Variants in ANKS1B observed in about 807,000 individuals in gnomAD.
The protein encoded by ANKS1B is ankyrin repeat and sterile alpha motif domain containing 1B.
ANKS1B carries 36 observed loss-of-function variants against 148.3 expected under a neutral mutation model. That is an observed-to-expected ratio of 0.24 (90% CI 0.19 to 0.32). The LOEUF (loss-of-function observed/expected upper bound fraction) is 0.32, where lower values mean the gene tolerates loss of function less well. Among genes scored for constraint, ANKS1B ranks in the 10% least tolerant of loss-of-function variants. ANKS1B has a pLI of 1.00. For synonymous variants in ANKS1B, 542 were observed against 560.8 expected (o/e 0.97, Z 0.47); for missense variants, 1,157 against 1,542.6 (o/e 0.75, Z 4.19).
intron 8 of ANKS1B, among the ~76,000 whole-genome samples, chr12:99,686,765 A>G (rs1350376771): frequency 6.6e-6 from 1 of 152,076 alleles, no homozygotes; most frequent in Non-Finnish European, 1.5e-5. Flanking sequence ...ATTTCCTCCT[A>G]TCATTTTTGT....
At chr12:99,618,652 C>T (rs2098004535) in intron 9 of ANKS1B, among the ~76,000 whole-genome samples, 1 of 152,042 alleles carries the variant, frequency 6.6e-6, no homozygotes, top group Non-Finnish European at 1.5e-5. Context: ...GCAACCCCAA[C>T]TGAGAAAGAG....
At chr12:99,360,881 C>T (rs11834482) in intron 12 of ANKS1B, among the ~76,000 whole-genome samples, 1 of 151,940 alleles carries the variant, frequency 6.6e-6, no homozygotes, top group Non-Finnish European at 1.5e-5. Flanking sequence ...CACATTCTCA[C>T]TTATTTGTGG....
intron 10 of ANKS1B, among the ~76,000 whole-genome samples, chr12:99,499,568 T>A (rs2096636277): frequency 6.6e-6 from 1 of 152,178 alleles, no homozygotes; most frequent in Non-Finnish European, 1.5e-5. Flanking sequence ...TTGACTACAA[T>A]GGAAGTGATG....
chr12:99,527,658 G>T (rs1347576055), intron 9 of ANKS1B, among the ~76,000 whole-genome samples: 1 of 152,160 alleles, frequency 6.6e-6, no homozygotes. Flanking sequence ...CCTTTAACTG[G>T]AGTCAGAATC....
chr12:99,344,655 A>G (rs1480684661), intron 12 of ANKS1B, among the ~76,000 whole-genome samples: 1 of 152,102 alleles, frequency 6.6e-6, no homozygotes, highest in African/African-American at 2.4e-5. Context: ...CATGAACCAA[A>G]TATCCTTTGT....
intron 8 of ANKS1B, among the ~76,000 whole-genome samples, chr12:99,681,210 C>T (rs986095760): frequency 1.3e-5 from 2 of 152,140 alleles, no homozygotes; most frequent in Non-Finnish European, 2.9e-5. Context: ...GAAAGTGCCA[C>T]CTCCTGGCTA....
In ANKS1B at chr12:99,806,449, T is replaced by G. The variant is rs767462539; in HGVS notation, c.624A>C (p.Ala208=). The part of the protein sequence containing the change: ...LHLAARNGHK[A]VVQVLLEAGM... ...CTGCCTCCAGCAGCACCTGCACGAC[T>G]GCTTTGTGGCCATTGCGCGCAGCAA... Residue 208 remains alanine, a synonymous_variant, in exon 4 of 27, where the codon GCA becomes GCC. Transcript: ENST00000683438. The G allele has an allele frequency of 1.2e-6, 2 of 1,613,992 alleles. No homozygotes were observed. Among genetic ancestry groups the G allele is most frequent in the Non-Finnish European group, 1.7e-6 (2 of 1,179,868 alleles).
chr12:99,637,480 T>A (rs2098249877), intron 9 of ANKS1B, among the ~76,000 whole-genome samples: 1 of 152,102 alleles, frequency 6.6e-6, no homozygotes. Context: ...TGTGAGGGTG[T>A]TGCCAAAGGA....
intron 23 of ANKS1B, chr12:98,781,463 C>T (rs962865536): frequency 1.8e-5 from 10 of 566,614 alleles, no homozygotes; most frequent in Non-Finnish European, 2.7e-5. Context: ...GAGTTTGTTC[C>T]GCTACTTTGT....
chr12:99,469,742 TA>T (rs2096206338), intron 10 of ANKS1B, among the ~76,000 whole-genome samples: 1 of 152,322 alleles, frequency 6.6e-6, no homozygotes, highest in African/African-American at 2.4e-5. Context: ...AATGTCCAAC[TA>T]AAATAAGTTT....
chr12:98,895,076 C>T, intron 17 of ANKS1B: 2 of 968,412 alleles, frequency 2.1e-6, no homozygotes, highest in Non-Finnish European at 2.5e-6. Flanking sequence ...GGCTGCTGCC[C>T]GGGGTGGGCG....
At chr12:99,879,609 C>T (rs932739931) in intron 1 of ANKS1B, among the ~76,000 whole-genome samples, 12 of 152,230 alleles carry the variant, frequency 7.9e-5, no homozygotes, top group Admixed American at 7.9e-4. Context: ...ATTGGTATAT[C>T]CCTCTGCAGA....
intron 9 of ANKS1B, among the ~76,000 whole-genome samples, chr12:99,651,775 AGAT>A (rs1477415630): frequency 6.6e-6 from 1 of 152,096 alleles, no homozygotes; most frequent in Non-Finnish European, 1.5e-5. Context: ...GAGATAATTT[AGAT>A]AATAGATACT....
intron 15 of ANKS1B, among the ~76,000 whole-genome samples, chr12:99,103,418 C>T (rs1035607334): frequency 2.0e-5 from 3 of 152,172 alleles, no homozygotes; most frequent in African/African-American, 7.2e-5. Context: ...GATTTATATA[C>T]TCTTCTTGGT....
At chr12:98,775,955 A>T (rs1377453999) in intron 24 of ANKS1B, among the ~76,000 whole-genome samples, 2 of 152,216 alleles carry the variant, frequency 1.3e-5, no homozygotes, top group Non-Finnish European at 2.9e-5. Context: ...ATAACTCATC[A>T]TTGTGGTCAT....
At chr12:99,529,379 G>A (rs748839448) in intron 9 of ANKS1B, among the ~76,000 whole-genome samples, 52 of 152,130 alleles carry the variant, frequency 3.4e-4, no homozygotes, top group Non-Finnish European at 6.0e-4. Flanking sequence ...CAAGTTGGGC[G>A]TATTAGCTCA....
chr12:98,864,266 C>T (rs71462252), intron 17 of ANKS1B, among the ~76,000 whole-genome samples: 6,791 of 151,980 alleles, frequency 0.045, 182 homozygotes, highest in Non-Finnish European at 0.061. Flanking sequence ...TCACCTCAAA[C>T]ATTTATCATT....
chr12:99,424,274 A>G (rs1044198420), intron 11 of ANKS1B, among the ~76,000 whole-genome samples: 1 of 152,172 alleles, frequency 6.6e-6, no homozygotes, highest in Non-Finnish European at 1.5e-5. Context: ...GTGGAGTCCA[A>G]GGATTAGGCC....
In ANKS1B at chr12:99,289,989, G is replaced by T. The variant is rs59852919; in HGVS notation, c.1757-43125C>A. Among the ~76,000 whole-genome samples the T allele has an allele frequency of 5.2e-3, 790 of 151,448 alleles. 7 individuals carry two copies. The highest frequency in any genetic ancestry group is 0.018 in the African/African-American group (759 of 41,408). ...CAAAACGTCAATGAAATGAAAAGTTGGTTTTTTGAAAAGATAAACAAAAAT... is the reference window on the plus strand; with the variant it reads ...CAAAACGTCAATGAAATGAAAAGTTTGTTTTTTGAAAAGATAAACAAAAAT... On this transcript the variant is annotated intron_variant, in intron 12 of 26. Coordinates refer to ENST00000683438, the MANE Select transcript of ANKS1B (RefSeq NM_001352186.2).
Sources: gnomAD v4.1 joint callset for allele counts (sites outside exome capture counted in the v4.1 genomes callset) on GRCh38, gnomAD v4.1.1 for gene constraint, MANE v1.5 for transcripts, NCBI Gene and HGNC (gene_info 2026-07-23, HGNC 2026-07-21) for gene names.